GOSR2: variants seen among roughly 807,000 people sequenced by gnomAD.
GOSR2 encodes 27 kDa Golgi SNARE protein.
In GOSR2, 20 loss-of-function variants were observed where a neutral mutation model predicts 27.9. The observed-to-expected ratio is 0.72, with a 90% CI of 0.50 to 1.04. The LOEUF is 1.04. GOSR2 is among the 50% of genes least tolerant of loss of function. The pLI, the probability that GOSR2 is intolerant of heterozygous loss-of-function variation, is 0.00. For missense variants in GOSR2, 261 were observed against 270.5 expected, an observed-to-expected ratio of 0.97 and a Z score of 0.25; for synonymous variants, 91 against 98.8, an observed-to-expected ratio of 0.92 and a Z score of 0.47.
At chr17:46,936,594 A>G (rs1426581999) in intron 5 of GOSR2, 1 of 985,418 alleles carries the variant, frequency 1.0e-6, no homozygotes, top group East Asian at 1.1e-4. Context: ...TGAAGGGGCT[A>G]GGCTGAAGCA....
At chr17:46,945,104 C>T (rs774259528), downstream of GOSR2, among the ~76,000 whole-genome samples, 4 of 151,990 alleles carry the variant, frequency 2.6e-5, no homozygotes, top group Admixed American at 6.6e-5. Context: ...TGTGAGAGGG[C>T]GAGGTGATGG....
At chr17:46,954,439 C>T (rs1030752575) in intron 6 of GOSR2, among the ~76,000 whole-genome samples, 3 of 152,152 alleles carry the variant, frequency 2.0e-5, no homozygotes, top group Non-Finnish European at 2.9e-5. Flanking sequence ...GTTACTGTAG[C>T]GTTGTAGTAT....
At chr17:46,929,855 C>T (rs2087051860) in intron 2 of GOSR2, 1 of 424,512 alleles carries the variant, frequency 2.4e-6, no homozygotes, top group African/African-American at 2.0e-5. Context: ...CTATCTTAAT[C>T]TAATTACCTA....
chr17:46,940,376 G>T lies in GOSR2; in HGVS notation c.*1616G>T. The T allele has an allele frequency of 2.3e-5, 35 of 1,521,260 alleles. No homozygotes were observed. The highest frequency in any genetic ancestry group is 3.1e-5 in the Non-Finnish European group (35 of 1,137,986). The allele number at this position is 1,521,260 out of a possible 1,614,324, so 94.2% of individuals were successfully genotyped here. The stretch of plus-strand genomic sequence containing the variant: ...CCCTGCCAGAGTTAAAGCAGTGACT[G>T]GAGGGTGGACTGGGGGGTTGCAGCA... On this transcript the variant is annotated 3_prime_UTR_variant, in exon 6 of 6. Transcript: ENST00000640051.
intron 4 of GOSR2, among the ~76,000 whole-genome samples, 164 bp from the exon 5 acceptor site, chr17:46,934,865 A>C (rs546195447): frequency 6.6e-6 from 1 of 152,310 alleles, no homozygotes; most frequent in African/African-American, 2.4e-5. Context: ...GACAGAGGCC[A>C]CCCCAGGCCT....
chr17:46,961,661 AT>A (rs869138991), intron 6 of GOSR2, among the ~76,000 whole-genome samples: 1 of 152,226 alleles, frequency 6.6e-6, no homozygotes, highest in Non-Finnish European at 1.5e-5. Flanking sequence ...AAAAGATTAT[AT>A]TTTTTAAAAA....
At chr17:46,937,148 GT>G (rs1403439767) in intron 5 of GOSR2, 1 of 152,202 alleles carries the variant, frequency 6.6e-6, no homozygotes, top group African/African-American at 2.4e-5. Flanking sequence ...AGGCTGGATG[GT>G]TTGGGTTGTT....
Position 46,936,870 on chromosome 17 carries a change from C to T in GOSR2, c.477+1701C>T, listed in dbSNP as rs536106908. On this transcript the variant is annotated intron_variant, in intron 5 of 5. Transcript: ENST00000640051. Reference sequence around the variant, plus strand: ...CTGGCTGAGGCTTCTTAATTGCTTTCTGGGCAGAATGTAGATTTTGGATTC... The same window carrying T: ...CTGGCTGAGGCTTCTTAATTGCTTTTTGGGCAGAATGTAGATTTTGGATTC... The T allele has an allele frequency of 2.0e-4, 196 of 976,560 alleles. No homozygotes were observed. In the Admixed American group the frequency reaches 2.2e-3, roughly 11 times the overall value. 60.5% of individuals were successfully genotyped at this position (976,560 alleles called of 1,614,324 possible).
chr17:46,953,826 A>G (rs1400944145), intron 6 of GOSR2, among the ~76,000 whole-genome samples: 1 of 152,252 alleles, frequency 6.6e-6, no homozygotes, highest in Non-Finnish European at 1.5e-5. Flanking sequence ...TCTTGGCTGC[A>G]TAAATGTCTT....
intron 5 of GOSR2, chr17:46,935,767 T>C (rs2088216825): frequency 5.4e-5 from 53 of 987,090 alleles, no homozygotes; most frequent in Non-Finnish European, 6.4e-5. Context: ...TTGGCACTGC[T>C]GAGACTCCAG....
chr17:46,960,989 TAAAA>T (rs2091016802), intron 6 of GOSR2, among the ~76,000 whole-genome samples: 1 of 151,890 alleles, frequency 6.6e-6, no homozygotes, highest in South Asian at 2.1e-4. Flanking sequence ...AAATTTGAAA[TAAAA>T]ATAAAAGGCA....
intron 4 of GOSR2, chr17:46,932,485 C>T (rs1245408499): frequency 1.5e-5 from 9 of 593,766 alleles, no homozygotes; most frequent in Non-Finnish European, 2.7e-5. Flanking sequence ...GGTGGAAGTT[C>T]ACATGGTGGA....
chr17:46,938,562 TGA>T, intron 5 of GOSR2, 35 bp from the exon 6 acceptor site: 1 of 1,613,194 alleles, frequency 6.2e-7, no homozygotes, highest in South Asian at 1.1e-5. Flanking sequence ...TAAAGCGACT[TGA>T]TGTTTGTTTT....
intron 1 of GOSR2, chr17:46,923,834 G>T (rs2086079788): frequency 2.5e-6 from 1 of 399,104 alleles, no homozygotes; most frequent in Non-Finnish European, 4.4e-6. Context: ...TATTCGCATC[G>T]TCCTGCACTT....
chr17:46,974,732 T>A (rs1419583071), intron 6 of GOSR2, among the ~76,000 whole-genome samples: 1 of 52,552 alleles, frequency 1.9e-5, no homozygotes, highest in Non-Finnish European at 4.6e-5. Context: ...AGACTCTCTC[T>A]CAAAAAAAAA....
downstream of GOSR2, among the ~76,000 whole-genome samples, chr17:46,969,614 G>C (rs2091370544): frequency 6.6e-6 from 1 of 152,236 alleles, no homozygotes; most frequent in Non-Finnish European, 1.5e-5. Flanking sequence ...TGATGAGCAG[G>C]TATAGACAGC....
chr17:46,929,591 A>G lies in GOSR2; in HGVS notation c.94+7A>G, dbSNP rs376231923. On this transcript the variant is annotated splice_region_variant and intron_variant, in intron 2 of 5. Transcript: ENST00000640051. ...GACAAGCAGTCTGTGCACAGTGAGT[A>G]ATTAACTGTGGAGACCAGAGTCCTT... 7.1e-7 allele frequency: 1 copy of G among 1,404,128 alleles called. No homozygotes were observed. Among genetic ancestry groups the G allele is most frequent in the East Asian group, 2.3e-5 (1 of 43,970 alleles). 87.0% of individuals were successfully genotyped at this position (1,404,128 alleles called of 1,614,324 possible). A position where few individuals can be genotyped will look rare whatever the true frequency, so the allele number is the denominator to read the frequency against.
chr17:46,966,904 T>A, exon 7 of GOSR2: 1 of 396,394 alleles, frequency 2.5e-6, no homozygotes, highest in Non-Finnish European at 4.4e-6. Flanking sequence ...TAAAGGGAAA[T>A]CATTTTCATG....
Position 46,935,431 on chromosome 17 carries a change from T to C in GOSR2, c.477+262T>C, listed in dbSNP as rs909886614. 1.3e-5 allele frequency: 18 copies of C among 1,419,178 alleles called. No homozygotes were observed. The African/African-American group carries it at 1.6e-4, about 12-fold the overall frequency. The allele number at this position is 1,419,178 out of a possible 1,614,324, so 87.9% of individuals were successfully genotyped here. A position where few individuals can be genotyped will look rare whatever the true frequency, so the allele number is the denominator to read the frequency against. On this transcript the variant is annotated intron_variant, in intron 5 of 5. Coordinates refer to ENST00000640051, the MANE Select transcript of GOSR2 (RefSeq NM_004287.5). ...GGTCTTTTCCCATTTACTGAACTTA[T>C]CATGAAAGTGAGTGCTACTACGAGG...
Sources: allele counts gnomAD v4.1 joint callset (sites outside exome capture counted in the v4.1 genomes callset), GRCh38; gene constraint gnomAD v4.1.1; transcripts MANE v1.5; gene names NCBI Gene and HGNC (gene_info 2026-07-23, HGNC 2026-07-21).